Variants in SGPP1 observed in about 807,000 individuals in gnomAD.
SGPP1 encodes sphingosine-1-phosphate phosphatase 1.
Under a neutral mutation model 33.0 loss-of-function variants are expected in SGPP1, and 21 were observed. That is an observed-to-expected ratio of 0.64 (90% CI 0.45 to 0.92). The LOEUF (loss-of-function observed/expected upper bound fraction) is 0.92. Among genes scored for constraint, SGPP1 ranks in the 40% least tolerant of loss-of-function variants. The pLI is 0.00. For missense variants in SGPP1, 543 were observed against 589.4 expected (o/e 0.92, Z 0.81); for synonymous variants, 239 against 241.2 (o/e 0.99, Z 0.08).
intron 2 of SGPP1, among the ~76,000 whole-genome samples, chr14:63,688,229 C>G (rs992156432): frequency 1.4e-5 from 2 of 145,720 alleles, no homozygotes; most frequent in African/African-American, 5.1e-5. Flanking sequence ...GGCAGGAGAA[C>G]TGCCTGAACC....
At chr14:63,701,232 C>G (rs1885292737) in intron 1 of SGPP1, among the ~76,000 whole-genome samples, 1 of 152,148 alleles carries the variant, frequency 6.6e-6, no homozygotes, top group African/African-American at 2.4e-5. Context: ...AATTCACCCG[C>G]CTTGGCCTCC....
rs1379250961 is a variant in SGPP1 at position 63,703,015 on chromosome 14, T to TG, written c.685-4358dup. Among the ~76,000 whole-genome samples, 13 of 152,282 alleles carry TG rather than the reference T, an allele frequency of 8.5e-5. 1 individual carries two copies. In the East Asian group the frequency reaches 2.3e-3, roughly 27 times the overall value. On this transcript the variant is annotated intron_variant, in intron 1 of 2. Coordinates refer to ENST00000247225, the MANE Select transcript of SGPP1 (RefSeq NM_030791.4). ...TACTATCCACAGTTTCAGGCACCAA[T>TG]GGGGGTCGTGGAACATATCCTCTGC... is the stretch of plus-strand genomic sequence containing the variant.
Position 63,727,438 on chromosome 14 carries a change from CAG to C in SGPP1, c.505_506del (p.Leu169GlyfsTer32). 3 of 1,614,082 alleles carry C rather than the reference CAG, an allele frequency of 1.9e-6. No homozygotes were observed. Among genetic ancestry groups the C allele is most frequent in the Non-Finnish European group, 1.7e-6 (2 of 1,180,014 alleles). ...VGRRLVVIWV[L>X]VMYLGQCTKD... ...TGGTGCACTGGCCCAGGTACATGAC[CAG>C]CACCCAGATGACCACGAGCCTCCGG... is the stretch of plus-strand genomic sequence containing the variant. On this transcript the variant is annotated frameshift_variant, in exon 1 of 3. Coordinates refer to ENST00000247225, the MANE Select transcript of SGPP1 (RefSeq NM_030791.4). LOFTEE classifies it high-confidence loss of function.
chr14:63,718,451 T>A (rs1481796237), intron 1 of SGPP1, among the ~76,000 whole-genome samples: 2 of 151,994 alleles, frequency 1.3e-5, no homozygotes, highest in African/African-American at 2.4e-5. Flanking sequence ...GCTCTTTAGG[T>A]AGGAGAAAAA....
intron 1 of SGPP1, among the ~76,000 whole-genome samples, chr14:63,713,201 C>G (rs958196429): frequency 1.3e-5 from 2 of 152,210 alleles, no homozygotes; most frequent in Admixed American, 6.5e-5. Flanking sequence ...CTGAAGTCAT[C>G]TCCATGCCGT....
intron 1 of SGPP1, among the ~76,000 whole-genome samples, chr14:63,718,233 G>A (rs1409262151): frequency 6.7e-5 from 10 of 148,180 alleles, no homozygotes; most frequent in African/African-American, 2.0e-4. Context: ...GGGGAACAGC[G>A]CAAGACTCCA....
At chr14:63,726,549 C>T (rs952971864) in intron 1 of SGPP1, among the ~76,000 whole-genome samples, 1 of 152,082 alleles carries the variant, frequency 6.6e-6, no homozygotes, top group Admixed American at 6.6e-5. Flanking sequence ...TTAAGAATAA[C>T]TTTTAAACCA....
intron 1 of SGPP1, among the ~76,000 whole-genome samples, chr14:63,720,270 A>C (rs1480584311): frequency 6.6e-6 from 1 of 151,898 alleles, no homozygotes. Flanking sequence ...AAAAACAAAA[A>C]TGGTAAGAAA....
intron 2 of SGPP1, among the ~76,000 whole-genome samples, chr14:63,688,862 C>CGT (rs1425187548): frequency 1.3e-5 from 2 of 152,062 alleles, no homozygotes; most frequent in Non-Finnish European, 2.9e-5. Flanking sequence ...GCTGGGACTA[C>CGT]AGGCGCCCGC....
At chr14:63,707,698 G>A (rs779261004) in intron 1 of SGPP1, among the ~76,000 whole-genome samples, 19 of 151,876 alleles carry the variant, frequency 1.3e-4, no homozygotes, top group Non-Finnish European at 2.2e-4. Context: ...CACCTATCTC[G>A]GCCTCCCAAA....
rs141712890 is a variant in SGPP1 at position 63,716,319 on chromosome 14, C to T, written c.684+10942G>A. On this transcript the variant is annotated intron_variant, in intron 1 of 2. Transcript: ENST00000247225. The stretch of plus-strand genomic sequence containing the variant: ...GACCAGCCTGGCCAACATGGTGAAA[C>T]CCCATCTCTACTAAAAATACAAAAA... Among the ~76,000 whole-genome samples, 763 of 152,016 alleles carry T rather than the reference C, an allele frequency of 5.0e-3. 13 individuals are homozygous for T. In the East Asian group the frequency reaches 0.063, roughly 12 times the overall value.
At chr14:63,718,971 TATATAC>T (rs1266905484) in intron 1 of SGPP1, among the ~76,000 whole-genome samples, 1 of 76,654 alleles carries the variant, frequency 1.3e-5, no homozygotes, top group South Asian at 4.2e-4. Flanking sequence ...CATATATATG[TATATAC>T]ATATATATAT....
At chr14:63,693,660 CTGGAGTACAG>C (rs1885131190) in intron 2 of SGPP1, among the ~76,000 whole-genome samples, 1 of 152,064 alleles carries the variant, frequency 6.6e-6, no homozygotes, top group Non-Finnish European at 1.5e-5. Context: ...GTTGCCCAGG[CTGGAGTACAG>C]TGGCAAAATC....
At chr14:63,701,479 C>T (rs565556482) in intron 1 of SGPP1, among the ~76,000 whole-genome samples, 4 of 152,010 alleles carry the variant, frequency 2.6e-5, no homozygotes, top group East Asian at 1.9e-4. Flanking sequence ...TGAGGCAAGA[C>T]GGAATGGAGG....
intron 1 of SGPP1, among the ~76,000 whole-genome samples, chr14:63,700,653 T>C (rs1885278322): frequency 6.6e-6 from 1 of 152,116 alleles, no homozygotes; most frequent in African/African-American, 2.4e-5. Flanking sequence ...ATATAAATCA[T>C]ATAATAAAAC....
chr14:63,696,686 T>C (rs1885193637), intron 2 of SGPP1, among the ~76,000 whole-genome samples: 1 of 152,194 alleles, frequency 6.6e-6, no homozygotes, highest in African/African-American at 2.4e-5. Context: ...ATAATTTGTT[T>C]ATTAAAATAG....
rs532154085 is a variant in SGPP1, at chr14:63,709,423, A to G, written c.685-10765T>C. On this transcript the variant is annotated intron_variant, in intron 1 of 2. Coordinates refer to ENST00000247225, the MANE Select transcript of SGPP1 (RefSeq NM_030791.4). ...TTCTATCCCTCTCTCTTTACAGTTA[A>G]AGAACAGACCTATGGATGCTAAGTA... 6.2e-4 allele frequency among the ~76,000 whole-genome samples: 95 copies of G among 152,068 alleles called. 1 individual carries two copies. The highest frequency in any genetic ancestry group is 1.7e-3 in the Admixed American group (26 of 15,258).
chr14:63,720,008 C>T (rs982939601), intron 1 of SGPP1, among the ~76,000 whole-genome samples: 1 of 151,330 alleles, frequency 6.6e-6, no homozygotes, highest in Admixed American at 6.6e-5. Flanking sequence ...TGCCGGTAAT[C>T]CCAGCTACTC....
rs1884961559 is a variant in SGPP1, at chr14:63,685,895, T to A, written c.*210A>T. ...CATGAACATTCTAAATGGATACTTA[T>A]CATTTTCTCAGTAACGAAATAGCTC... is the stretch of plus-strand genomic sequence containing the variant. On this transcript the variant is annotated 3_prime_UTR_variant, in exon 3 of 3. Coordinates refer to ENST00000247225, the MANE Select transcript of SGPP1 (RefSeq NM_030791.4). 1.1e-5 allele frequency: 4 copies of A among 351,372 alleles called. No individual in the cohort carries two copies. The highest frequency in any genetic ancestry group is 2.0e-5 in the Non-Finnish European group (4 of 195,788). 21.8% of individuals were successfully genotyped at this position (351,372 alleles called of 1,614,324 possible). A position where few individuals can be genotyped will look rare whatever the true frequency, so the allele number is the denominator to read the frequency against.
Sources: allele counts gnomAD v4.1 joint callset (sites outside exome capture counted in the v4.1 genomes callset), GRCh38; gene constraint gnomAD v4.1.1; transcripts MANE v1.5; gene names NCBI Gene and HGNC (gene_info 2026-07-23, HGNC 2026-07-21).